The following SLC38A1 variants were observed in gnomAD, a reference collection of about 807,000 sequenced individuals.
The protein encoded by SLC38A1 is sodium-coupled neutral amino acid symporter 1.
SLC38A1 carries 18 observed loss-of-function variants against 60.3 expected under a neutral mutation model. The ratio of observed to expected loss-of-function variants is 0.30; its 90% CI spans 0.21 to 0.44. The LOEUF is 0.44. Ranked by LOEUF, SLC38A1 falls within the 20% of genes least tolerant of loss-of-function variation. The pLI, the probability that SLC38A1 is intolerant of heterozygous loss-of-function variation, is 1.00. For missense variants in SLC38A1, 448 were observed against 587.2 expected, an observed-to-expected ratio of 0.76 and a Z score of 2.45; for synonymous variants, 196 against 212.1, an observed-to-expected ratio of 0.92 and a Z score of 0.66.
chr12:46,195,630 A>G, intron 16 of SLC38A1: 1 of 156,730 alleles, frequency 6.4e-6, no homozygotes, highest in Non-Finnish European at 1.4e-5. Flanking sequence ...CTTTGCTTAC[A>G]CTGTGAGCTA....
At chr12:46,249,269 T>G (rs1039747830) in intron 1 of SLC38A1, among the ~76,000 whole-genome samples, 2 of 150,512 alleles carry the variant, frequency 1.3e-5, no homozygotes, top group African/African-American at 4.9e-5. Flanking sequence ...CACAAATAAA[T>G]ATGTTCTTTG....
intron 5 of SLC38A1, among the ~76,000 whole-genome samples, chr12:46,217,324 G>T (rs1940457169): frequency 6.6e-6 from 1 of 152,180 alleles, no homozygotes; most frequent in Admixed American, 6.5e-5. Flanking sequence ...CAAACATCCA[G>T]AGTGGAATAA....
chr12:46,216,576 C>T (rs868689211), intron 5 of SLC38A1, among the ~76,000 whole-genome samples: 71 of 152,250 alleles, frequency 4.7e-4, no homozygotes, highest in Middle Eastern at 6.8e-3. Flanking sequence ...CCTGGCCAGG[C>T]GCGGTGGCTC....
At chr12:46,220,136 T>C (rs544071487) in intron 5 of SLC38A1, among the ~76,000 whole-genome samples, 5 of 152,372 alleles carry the variant, frequency 3.3e-5, no homozygotes, top group African/African-American at 1.2e-4. Flanking sequence ...TAGGCACTCA[T>C]TGTTAACGCA....
At chr12:46,213,610 G>C (rs1940275701) in intron 5 of SLC38A1, among the ~76,000 whole-genome samples, 1 of 152,044 alleles carries the variant, frequency 6.6e-6, no homozygotes, top group Non-Finnish European at 1.5e-5. Context: ...TAGTTCATTG[G>C]CAAGTGCCCT....
chr12:46,203,519 G>A (rs775787170), intron 11 of SLC38A1, among the ~76,000 whole-genome samples: 6 of 152,224 alleles, frequency 3.9e-5, no homozygotes, highest in South Asian at 4.1e-4. Flanking sequence ...ACTGCTCTTC[G>A]CTCTACATCA....
chr12:46,226,277 T>C (rs539162083), intron 5 of SLC38A1, among the ~76,000 whole-genome samples: 3 of 152,230 alleles, frequency 2.0e-5, no homozygotes, highest in Admixed American at 6.5e-5. Context: ...TTCTCTCTAC[T>C]TCATGTTTTA....
intron 1 of SLC38A1, among the ~76,000 whole-genome samples, chr12:46,261,840 G>A (rs1359572009): frequency 6.6e-6 from 1 of 152,188 alleles, no homozygotes; most frequent in Non-Finnish European, 1.5e-5. Context: ...GGGGACAATT[G>A]TGTCCCTCTC....
chr12:46,205,214 A>G (rs74597714), intron 9 of SLC38A1, among the ~76,000 whole-genome samples: 3 of 152,150 alleles, frequency 2.0e-5, no homozygotes, highest in Non-Finnish European at 4.4e-5. Context: ...ACCCAGGGGA[A>G]GAGCTTTTCT....
intron 10 of SLC38A1, 41 bp downstream of exon 10, chr12:46,204,491 A>AT (rs1341645706): frequency 6.3e-7 from 1 of 1,599,998 alleles, no homozygotes; most frequent in South Asian, 1.1e-5. Flanking sequence ...ATGCCATTGT[A>AT]CTATCACAAA....
At chr12:46,245,490 GA>G (rs1941584642) in intron 1 of SLC38A1, among the ~76,000 whole-genome samples, 2 of 152,150 alleles carry the variant, frequency 1.3e-5, no homozygotes, top group South Asian at 4.1e-4. Flanking sequence ...TGGAGAAAAG[GA>G]AATCTTTGTA....
intron 1 of SLC38A1, among the ~76,000 whole-genome samples, chr12:46,261,193 T>G (rs1942185592): frequency 6.6e-6 from 1 of 152,194 alleles, no homozygotes; most frequent in Admixed American, 6.5e-5. Flanking sequence ...TTTAAAAAAT[T>G]CAAGCCAACT....
rs1363040292 is a variant in SLC38A1 at position 46,229,227 on chromosome 12, T to C, written c.240A>G (p.Leu80=). The change falls in exon 5 of 17, where the codon CTA becomes CTG. Residue 80 remains leucine (L), a synonymous_variant. Transcript: ENST00000398637. ...TTSLGMSVFN[L]SNAIMGSGIL... ...TCCCACTGCCCATAATGGCGTTGCT[T>C]AGGTTAAAAACAGACATGCCTAAGG... 7 of 1,613,652 alleles carry C rather than the reference T, an allele frequency of 4.3e-6. No homozygotes were observed. In the East Asian group the frequency reaches 1.3e-4, roughly 31 times the overall value.
Position 46,269,017 on chromosome 12 carries a change from GCTCTTTAA to G in SLC38A1, c.-708_-701del, listed in dbSNP as rs1942459832. The G allele has an allele frequency of 6.0e-6, 2 of 334,306 alleles. No homozygotes were observed. Among genetic ancestry groups the G allele is most frequent in the Non-Finnish European group, 1.3e-5 (2 of 154,922 alleles). The allele number at this position is 334,306 out of a possible 1,614,324, so 20.7% of individuals were successfully genotyped here. A position where few individuals can be genotyped will look rare whatever the true frequency, so the allele number is the denominator to read the frequency against. On this transcript the variant is annotated 5_prime_UTR_variant, in exon 1 of 17. Transcript: ENST00000398637. ...CGGTCTCCTCCCCTCCTGTGCGCCC[GCTCTTTAA>G]CCAAAGCTGCGTGTCAGTGAGCCGT...
In SLC38A1 at chr12:46,196,072, T is replaced by G. The variant is rs1458645223; in HGVS notation, c.1362+1648A>C. On this transcript the variant is annotated intron_variant, in intron 16 of 16. Coordinates refer to ENST00000398637, the MANE Select transcript of SLC38A1 (RefSeq NM_030674.4). ...AGCTGCAGACCAGAGCTGTTCCTAT[T>G]TGGCTATCTTGGAAGCAACCTCAGG... 2.8e-6 allele frequency: 4 copies of G among 1,417,964 alleles called. No individual in the cohort carries two copies. The African/African-American group carries it at 5.7e-5, about 20-fold the overall frequency. 87.8% of individuals were successfully genotyped at this position (1,417,964 alleles called of 1,614,324 possible).
intron 9 of SLC38A1, 104 bp downstream of exon 9, chr12:46,205,976 G>T: frequency 1.6e-6 from 1 of 628,376 alleles, no homozygotes; most frequent in Admixed American, 2.9e-5. Flanking sequence ...CTTAATCTTT[G>T]AGTGCATGCA....
intron 1 of SLC38A1, among the ~76,000 whole-genome samples, chr12:46,257,378 T>G (rs143002370): frequency 0.01 from 1,560 of 152,300 alleles, 14 homozygotes; most frequent in Middle Eastern, 0.024. Flanking sequence ...ACTCCTAATT[T>G]GGGCCTCTAA....
Position 46,197,757 on chromosome 12 carries a change from G to T in SLC38A1, c.1325C>A (p.Thr442Lys). ...AGTTCCTTTATCTCCATCCTGGTCT[G>T]TGATTTTTAAATAAAGAGATGAAGG... Reference protein sequence around the residue: ...ILPSSLYLKITDQDGDKGTQR... With the variant: ...ILPSSLYLKIKDQDGDKGTQR... Residue 442 changes from threonine (T) to lysine (K), a missense_variant, in exon 16 of 17, where the codon ACA becomes AAA. Physicochemically the swap from Thr to Lys is moderately conservative, Grantham distance 78. Transcript: ENST00000398637. 1 of 1,603,132 alleles carries T rather than the reference G, an allele frequency of 6.2e-7. No homozygotes were observed. The highest frequency in any genetic ancestry group is 8.5e-7 in the Non-Finnish European group (1 of 1,176,964).
In SLC38A1 at chr12:46,217,933, G is replaced by A. The variant is rs140255574; in HGVS notation, c.315-8806C>T. 4.3e-3 allele frequency among the ~76,000 whole-genome samples: 655 copies of A among 152,290 alleles called. 1 individual carries two copies. The highest frequency in any genetic ancestry group is 0.015 in the African/African-American group (618 of 41,564). ...AAGCTTTTCTTAAACTAGCCTCACT[G>A]TCAGTTAGGTATTTTGTTTTGTCTA... is the stretch of plus-strand genomic sequence containing the variant. On this transcript the variant is annotated intron_variant, in intron 5 of 16. Transcript: ENST00000398637.
Sources: gnomAD v4.1 joint callset for allele counts (sites outside exome capture counted in the v4.1 genomes callset) on GRCh38, gnomAD v4.1.1 for gene constraint, MANE v1.5 for transcripts, NCBI Gene and HGNC (gene_info 2026-07-23, HGNC 2026-07-21) for gene names.